Variants in SND1 observed in about 807,000 individuals in gnomAD.
SND1 encodes the protein staphylococcal nuclease and tudor domain containing 1, also known as staphylococcal nuclease domain-containing protein 1.
In SND1, 38 loss-of-function variants were observed where a neutral mutation model predicts 121.7. The ratio of observed to expected loss-of-function variants is 0.31; its 90% CI spans 0.24 to 0.41. The LOEUF is 0.41. SND1 is among the 10% of genes least tolerant of loss of function. The probability of loss-of-function intolerance (pLI) is 1.00; values close to 1 mark genes in which losing one functional copy is unlikely to be tolerated. For missense variants in SND1, 868 were observed against 1,184.6 expected (o/e 0.73, Z 3.92); for synonymous variants, 401 against 447.4 (o/e 0.90, Z 1.31).
At chr7:127,886,915 A>AT (rs1446946809) in intron 12 of SND1, among the ~76,000 whole-genome samples, 2 of 150,806 alleles carry the variant, frequency 1.3e-5, no homozygotes, top group East Asian at 2.0e-4. Flanking sequence ...CTAACCTGAG[A>AT]TTTTTTGTAG....
At chr7:127,953,596 C>G (rs981603708) in intron 15 of SND1, among the ~76,000 whole-genome samples, 6 of 152,164 alleles carry the variant, frequency 3.9e-5, no homozygotes, top group African/African-American at 1.4e-4. Context: ...TTAACTCTCT[C>G]AATCTGCCTT....
At chr7:127,761,091 A>G (rs1030645238) in intron 10 of SND1, among the ~76,000 whole-genome samples, 19 of 152,154 alleles carry the variant, frequency 1.2e-4, no homozygotes, top group Admixed American at 1.0e-3. Flanking sequence ...ACATCTCCAT[A>G]TGGTTTTCTA....
rs1347065112 is a variant in SND1 at position 127,702,531 on chromosome 7, G to A, written c.681+5G>A. On this transcript the variant is annotated splice_donor_5th_base_variant and intron_variant, in intron 6 of 23. Transcript: ENST00000354725. ...GTCATGCTGTCAGGCATCAAGGTCA[G>A]ACCATACTCTTGGCTACGTGGTGGG... is the stretch of plus-strand genomic sequence containing the variant. The A allele has an allele frequency of 6.2e-7, 1 of 1,612,982 alleles. No homozygotes were observed. Among genetic ancestry groups the A allele is most frequent in the Non-Finnish European group, 8.5e-7 (1 of 1,178,990 alleles).
rs200523577 is a variant in SND1, at chr7:127,902,894, A to AT, written c.1455-1844dup. On this transcript the variant is annotated intron_variant, in intron 13 of 23. Coordinates refer to ENST00000354725, the MANE Select transcript of SND1 (RefSeq NM_014390.4). ...ACACCTGGCTGATTTATTTTATTTT[A>AT]TTTTTTTTTGAGATGGAGTCTCTCT... is the stretch of plus-strand genomic sequence containing the variant. Among the ~76,000 whole-genome samples the AT allele has an allele frequency of 6.2e-4, 89 of 143,100 alleles. No homozygotes were observed. In the East Asian group the frequency reaches 0.012, roughly 19 times the overall value. 93.9% of individuals were successfully genotyped at this position (143,100 alleles called of 152,430 possible). A position where few individuals can be genotyped will look rare whatever the true frequency, so the allele number is the denominator to read the frequency against.
intron 10 of SND1, among the ~76,000 whole-genome samples, chr7:127,741,270 T>G (rs1209519575): frequency 6.6e-6 from 1 of 152,204 alleles, no homozygotes; most frequent in Non-Finnish European, 1.5e-5. Flanking sequence ...AGGCTTGATT[T>G]GCCTTATATA....
intron 15 of SND1, among the ~76,000 whole-genome samples, chr7:127,980,000 T>A (rs1224350362): frequency 6.6e-6 from 1 of 152,242 alleles, no homozygotes; most frequent in Non-Finnish European, 1.5e-5. Context: ...GGATTCAAGC[T>A]ACTCAGGATA....
intron 15 of SND1, among the ~76,000 whole-genome samples, chr7:127,932,758 C>CA (rs1289345070): frequency 6.6e-6 from 1 of 152,294 alleles, no homozygotes; most frequent in South Asian, 2.1e-4. Context: ...CCTCCAGCAG[C>CA]AAAAAGATTA....
chr7:127,926,374 A>G (rs868675356), intron 14 of SND1, among the ~76,000 whole-genome samples: 2 of 152,036 alleles, frequency 1.3e-5, no homozygotes, highest in South Asian at 2.1e-4. Context: ...TGAAATATCC[A>G]TCTTTCCACT....
chr7:127,716,643 A>T (rs1404502893), intron 9 of SND1, among the ~76,000 whole-genome samples: 2 of 152,186 alleles, frequency 1.3e-5, no homozygotes, highest in Non-Finnish European at 2.9e-5. Context: ...GGGAACAGTG[A>T]TAATTTTATT....
chr7:127,994,202 A>C (rs2116921081), intron 16 of SND1, among the ~76,000 whole-genome samples: 1 of 152,132 alleles, frequency 6.6e-6, no homozygotes, highest in South Asian at 2.1e-4. Context: ...GCTTTCCTTA[A>C]ATTTGTTTTA....
At chr7:127,960,817 G>C (rs1801713256) in intron 15 of SND1, among the ~76,000 whole-genome samples, 1 of 152,228 alleles carries the variant, frequency 6.6e-6, no homozygotes. Context: ...AGGTGCTGCA[G>C]TGCTACAGTG....
At chr7:127,786,670 G>C (rs1797817630) in intron 10 of SND1, among the ~76,000 whole-genome samples, 1 of 152,094 alleles carries the variant, frequency 6.6e-6, no homozygotes. Context: ...TTGAGACGGA[G>C]TTTCGCTCTG....
intron 10 of SND1, among the ~76,000 whole-genome samples, chr7:127,770,605 CTT>C (rs1344140267): frequency 6.6e-6 from 1 of 152,132 alleles, no homozygotes; most frequent in East Asian, 1.9e-4. Context: ...TAAGTGGAGT[CTT>C]TGGGACTAGA....
intron 5 of SND1, among the ~76,000 whole-genome samples, 156 bp downstream of exon 5, chr7:127,701,479 A>G (rs202104854): frequency 6.6e-6 from 1 of 151,636 alleles, no homozygotes; most frequent in East Asian, 1.9e-4. Flanking sequence ...TTAGTATTTC[A>G]GAAGGGAATT....
intron 16 of SND1, among the ~76,000 whole-genome samples, chr7:128,034,165 T>TATG (rs1173221536): frequency 6.6e-6 from 1 of 152,070 alleles, no homozygotes; most frequent in Non-Finnish European, 1.5e-5. Context: ...GTGTCTACTC[T>TATG]TCATAGAGTA....
intron 16 of SND1, among the ~76,000 whole-genome samples, chr7:128,043,845 T>C (rs1258244664): frequency 1.0e-5 from 1 of 97,000 alleles, no homozygotes; most frequent in African/African-American, 4.9e-5. Context: ...TATATATGTG[T>C]GTATATATAT....
chr7:128,086,653 C>T (rs1793692329), intron 20 of SND1: 3 of 488,566 alleles, frequency 6.1e-6, no homozygotes, highest in Non-Finnish European at 1.1e-5. Context: ...AATGGAAAAG[C>T]GATTAGAGTC....
intron 15 of SND1, among the ~76,000 whole-genome samples, chr7:127,940,333 T>C (rs1801166379): frequency 6.6e-6 from 1 of 151,964 alleles, no homozygotes; most frequent in South Asian, 2.1e-4. Flanking sequence ...TGTCAACCTG[T>C]GGGCATTTCC....
chr7:127,823,789 C>T (rs1413146106), intron 11 of SND1, among the ~76,000 whole-genome samples: 1 of 151,858 alleles, frequency 6.6e-6, no homozygotes, highest in African/African-American at 2.4e-5. Context: ...TTTTAAAAGT[C>T]AGACTTAATT....
Sources: gnomAD v4.1 joint callset for allele counts (sites outside exome capture counted in the v4.1 genomes callset) on GRCh38, gnomAD v4.1.1 for gene constraint, MANE v1.5 for transcripts, NCBI Gene and HGNC (gene_info 2026-07-23, HGNC 2026-07-21) for gene names.